SRPK2: variants seen among roughly 807,000 people sequenced by gnomAD.
SRPK2 encodes the protein SFRS protein kinase 2.
In SRPK2, 21 loss-of-function variants were observed where a neutral mutation model predicts 90.8. The ratio of observed to expected loss-of-function variants is 0.23; its 90% CI spans 0.16 to 0.33. The LOEUF is 0.33. Among genes scored for constraint, SRPK2 ranks in the 10% least tolerant of loss-of-function variants. The probability of loss-of-function intolerance (pLI) is 1.00; values close to 1 mark genes in which losing one functional copy is unlikely to be tolerated. For missense variants in SRPK2, 620 were observed against 869.0 expected (o/e 0.71, Z 3.60); for synonymous variants, 288 against 311.1 (o/e 0.93, Z 0.78).
intron 2 of SRPK2, among the ~76,000 whole-genome samples, chr7:105,254,732 C>G (rs1195232081): frequency 6.6e-6 from 1 of 152,010 alleles, no homozygotes; most frequent in Non-Finnish European, 1.5e-5. Flanking sequence ...CCCCGTCACC[C>G]AGGCTGGAGT....
chr7:105,334,151 G>A (rs1396342008), intron 2 of SRPK2, among the ~76,000 whole-genome samples: 1 of 151,910 alleles, frequency 6.6e-6, no homozygotes, highest in Non-Finnish European at 1.5e-5. Flanking sequence ...GCGCAATCTC[G>A]GCTCACCATA....
chr7:105,158,758 G>T (rs992760649), intron 7 of SRPK2, among the ~76,000 whole-genome samples: 138 of 151,358 alleles, frequency 9.1e-4, no homozygotes, highest in African/African-American at 3.3e-3. Flanking sequence ...AAAATAATTA[G>T]GAGATTCTTC....
intron 2 of SRPK2, among the ~76,000 whole-genome samples, chr7:105,316,244 G>T (rs961818371): frequency 6.6e-6 from 1 of 152,054 alleles, no homozygotes; most frequent in East Asian, 1.9e-4. Flanking sequence ...GATTACAGGC[G>T]AGAGCCACCG....
At chr7:105,211,338 A>C (rs2129612551) in intron 2 of SRPK2, among the ~76,000 whole-genome samples, 1 of 152,108 alleles carries the variant, frequency 6.6e-6, no homozygotes, top group East Asian at 1.9e-4. Flanking sequence ...GGAGTATCTT[A>C]TTCCCTGAAT....
chr7:105,305,403 G>A (rs975993681), intron 2 of SRPK2, among the ~76,000 whole-genome samples: 1 of 144,698 alleles, frequency 6.9e-6, no homozygotes, highest in Non-Finnish European at 1.5e-5. Flanking sequence ...CCGAGACTGT[G>A]CCACACAGTC....
intron 2 of SRPK2, among the ~76,000 whole-genome samples, chr7:105,211,613 C>T (rs901566523): frequency 6.6e-6 from 1 of 152,054 alleles, no homozygotes; most frequent in Non-Finnish European, 1.5e-5. Flanking sequence ...CTCAGGAGAA[C>T]TCACTGACTA....
chr7:105,270,935 T>C (rs1563173968), intron 2 of SRPK2, among the ~76,000 whole-genome samples: 1 of 152,212 alleles, frequency 6.6e-6, no homozygotes, highest in African/African-American at 2.4e-5. Context: ...TAATGAAGGA[T>C]ACCAGGCCTG....
At chr7:105,331,623 A>G (rs773013346) in intron 2 of SRPK2, among the ~76,000 whole-genome samples, 4 of 152,166 alleles carry the variant, frequency 2.6e-5, no homozygotes, top group Admixed American at 6.5e-5. Context: ...CATTTCACAC[A>G]CTGTGCTTAG....
intron 15 of SRPK2, among the ~76,000 whole-genome samples, chr7:105,121,139 G>A (rs1800289979): frequency 6.6e-6 from 1 of 152,164 alleles, no homozygotes; most frequent in Admixed American, 6.5e-5. Context: ...CCTGAGGTCA[G>A]GAGTTCGAGA....
upstream of SRPK2, among the ~76,000 whole-genome samples, chr7:105,391,511 T>C (rs1172437264): frequency 6.6e-6 from 1 of 152,072 alleles, no homozygotes; most frequent in Non-Finnish European, 1.5e-5. Context: ...GGCTAAAAAT[T>C]TTTGTAATGG....
Position 105,358,927 on chromosome 7 carries a change from CAGAGAG to C in SRPK2, c.71+29715_71+29720del, listed in dbSNP as rs57910582. ...CTGGAAGAAAGGGGTGCTAAGAACA[CAGAGAG>C]AGAGAGAGAGAGAGAAAGCAAGAGT... On this transcript the variant is annotated intron_variant, in intron 2 of 15. Transcript: ENST00000393651. Among the ~76,000 whole-genome samples, 11 of 148,474 alleles carry C rather than the reference CAGAGAG, an allele frequency of 7.4e-5. No homozygotes were observed. The South Asian group carries it at 1.3e-3, about 17-fold the overall frequency.
At chr7:105,301,498 A>G in intron 2 of SRPK2, 2 of 1,232,362 alleles carry the variant, frequency 1.6e-6, no homozygotes, top group South Asian at 1.2e-5. Context: ...TCCACTCAGG[A>G]GGCGCCCCGC....
At chr7:105,148,614 A>C (rs936671468) in intron 7 of SRPK2, among the ~76,000 whole-genome samples, 2 of 152,186 alleles carry the variant, frequency 1.3e-5, no homozygotes, top group African/African-American at 4.8e-5. Flanking sequence ...AGAGACAGGA[A>C]GTGTTATATG....
At chr7:105,149,391 C>A (rs539192393) in intron 7 of SRPK2, among the ~76,000 whole-genome samples, 1 of 152,128 alleles carries the variant, frequency 6.6e-6, no homozygotes, top group African/African-American at 2.4e-5. Flanking sequence ...GACATAGATT[C>A]TATTGCTCAC....
At chr7:105,323,461 A>G (rs1221864208) in intron 2 of SRPK2, among the ~76,000 whole-genome samples, 1 of 152,228 alleles carries the variant, frequency 6.6e-6, no homozygotes, top group Non-Finnish European at 1.5e-5. Flanking sequence ...AGAACCACAT[A>G]GAATCTTTCT....
At chr7:105,201,104 T>G (rs1276037878) in intron 3 of SRPK2, among the ~76,000 whole-genome samples, 4 of 152,198 alleles carry the variant, frequency 2.6e-5, no homozygotes, top group Non-Finnish European at 5.9e-5. Context: ...GATTTATCTC[T>G]TTATCCAAGA....
At chr7:105,368,734 A>C (rs2132402037) in intron 2 of SRPK2, among the ~76,000 whole-genome samples, 1 of 152,092 alleles carries the variant, frequency 6.6e-6, no homozygotes, top group Admixed American at 6.6e-5. Flanking sequence ...AAATACAAAA[A>C]ATTAGCCAGG....
chr7:105,290,497 C>CA (rs1228217041), intron 2 of SRPK2, among the ~76,000 whole-genome samples: 2 of 151,214 alleles, frequency 1.3e-5, no homozygotes, highest in East Asian at 3.9e-4. Flanking sequence ...GACCTTGTCT[C>CA]AAAAAAACAA....
chr7:105,221,550 C>T (rs1449967528), intron 2 of SRPK2, among the ~76,000 whole-genome samples: 2 of 152,196 alleles, frequency 1.3e-5, no homozygotes, highest in African/African-American at 4.8e-5. Context: ...TTGGCCCCAA[C>T]CATACCTATT....
Sources: gnomAD v4.1 joint callset for allele counts (sites outside exome capture counted in the v4.1 genomes callset) on GRCh38, gnomAD v4.1.1 for gene constraint, MANE v1.5 for transcripts, NCBI Gene and HGNC (gene_info 2026-07-23, HGNC 2026-07-21) for gene names.